The following PARG variants were observed in gnomAD, a reference collection of about 807,000 sequenced individuals.
PARG encodes mitochondrial poly(ADP-ribose) glycohydrolase.
A neutral mutation model predicts 113.0 loss-of-function variants in PARG; 35 were observed. The observed-to-expected ratio is 0.31, with a 90% CI of 0.24 to 0.41. The LOEUF (loss-of-function observed/expected upper bound fraction) is 0.41. Ranked by LOEUF, PARG falls within the 10% of genes least tolerant of loss-of-function variation. The pLI is 1.00. For missense variants in PARG, 797 were observed against 1,169.4 expected, an observed-to-expected ratio of 0.68 and a Z score of 4.64; for synonymous variants, 330 against 409.9, an observed-to-expected ratio of 0.81 and a Z score of 2.36.
At chr10:49,841,831 A>T in intron 15 of PARG, 119 bp downstream of exon 15, 1 of 656,416 alleles carries the variant, frequency 1.5e-6, no homozygotes, top group Non-Finnish European at 2.7e-6. Flanking sequence ...AAATCAGGAG[A>T]GCTGTGGGCA....
chr10:49,906,342 A>C (rs1160330947), intron 7 of PARG, among the ~76,000 whole-genome samples: 6 of 151,952 alleles, frequency 3.9e-5, no homozygotes, highest in South Asian at 2.1e-4. Flanking sequence ...CTTCTGCTAG[A>C]GGGTTTTCTT....
intron 9 of PARG, among the ~76,000 whole-genome samples, chr10:49,869,816 C>T (rs1158737531): frequency 6.6e-6 from 1 of 151,740 alleles, no homozygotes; most frequent in Non-Finnish European, 1.5e-5. Context: ...CTATCTTCCA[C>T]CACAGAGAAG....
intron 6 of PARG, among the ~76,000 whole-genome samples, chr10:49,917,066 C>T (rs1837512772): frequency 6.7e-6 from 1 of 148,482 alleles, no homozygotes; most frequent in South Asian, 2.1e-4. Context: ...CATCCAAGTT[C>T]CTTAAGAAAA....
At chr10:49,899,675 A>T (rs1848261874) in intron 7 of PARG, among the ~76,000 whole-genome samples, 1 of 152,010 alleles carries the variant, frequency 6.6e-6, no homozygotes, top group South Asian at 2.1e-4. Context: ...GAGGTACAAA[A>T]TCAGTGTGGT....
At chr10:49,835,148 A>G (rs1554830875) in intron 15 of PARG, among the ~76,000 whole-genome samples, 1 of 152,134 alleles carries the variant, frequency 6.6e-6, no homozygotes, top group Non-Finnish European at 1.5e-5. Context: ...AACAAAGATG[A>G]GATAAGGATA....
At chr10:49,828,832 G>A (rs782075565) in intron 16 of PARG, among the ~76,000 whole-genome samples, 7 of 152,064 alleles carry the variant, frequency 4.6e-5, no homozygotes, top group Admixed American at 2.0e-4. Context: ...CTATGATCGC[G>A]CCATTGCACC....
At chr10:49,891,619 A>ATTTT (rs1847802868) in intron 7 of PARG, among the ~76,000 whole-genome samples, 1 of 45,966 alleles carries the variant, frequency 2.2e-5, no homozygotes, top group African/African-American at 1.0e-4. Flanking sequence ...ATATATATAT[A>ATTTT]TATATTTTTT....
chr10:49,941,488 G>A (rs1327735889), intron 1 of PARG, 21 bp downstream of exon 1: 211 of 1,522,720 alleles, frequency 1.4e-4, no homozygotes, highest in Middle Eastern at 3.4e-4. Context: ...GAAGGACAAA[G>A]ATTTTTATTT....
intron 7 of PARG, among the ~76,000 whole-genome samples, chr10:49,909,079 T>C (rs1279655702): frequency 1.3e-5 from 2 of 152,052 alleles, no homozygotes; most frequent in Non-Finnish European, 2.9e-5. Context: ...ACAGTTAAAA[T>C]TACCATGAGA....
Position 49,933,916 on chromosome 10 carries a change from C to T in PARG, c.532G>A (p.Val178Ile). ...TTAGCATTACTAAACTGCTCTGGTA[C>T]CAGGGTTACTGTTTGAGGTTCACTT... ...LESEPQTVTL[V>I]PEQFSNANID... Residue 178 changes from valine (V) to isoleucine (I), a missense_variant, in exon 3 of 18, where the codon GTA (valine) becomes ATA (isoleucine). Transcript: ENST00000616448. 6.2e-7 allele frequency: 1 copy of T among 1,604,686 alleles called. No individual in the cohort carries two copies. Among genetic ancestry groups the T allele is most frequent in the Non-Finnish European group, 8.5e-7 (1 of 1,171,502 alleles).
intron 7 of PARG, among the ~76,000 whole-genome samples, chr10:49,892,588 A>T (rs1367494920): frequency 4.6e-5 from 7 of 152,206 alleles, no homozygotes; most frequent in African/African-American, 1.4e-4. Flanking sequence ...CATTTTTAAA[A>T]ATTTCAAAAA....
chr10:49,856,747 C>T (rs1388987762), intron 13 of PARG, among the ~76,000 whole-genome samples: 13 of 152,220 alleles, frequency 8.5e-5, no homozygotes, highest in African/African-American at 2.4e-4. Context: ...TGGTGGCTCA[C>T]GCCTGTAATC....
At chr10:49,900,475 TCA>T (rs1848301867) in intron 7 of PARG, among the ~76,000 whole-genome samples, 1 of 151,466 alleles carries the variant, frequency 6.6e-6, no homozygotes, top group South Asian at 2.1e-4. Context: ...TCAAAAACAG[TCA>T]CACTATTTTC....
In PARG at chr10:49,934,082, A is replaced by G; in HGVS notation, c.366T>C (p.Asn122=). Residue 122 remains asparagine (N), a synonymous_variant, in exon 3 of 18, where the codon AAT becomes AAC. Coordinates refer to ENST00000616448, the MANE Select transcript of PARG (RefSeq NM_003631.5). The stretch of plus-strand genomic sequence containing the variant: ...GAGAAACATTTTCTAATTTTTCTAC[A>G]TTATGTTGGTAAAAGTTATCTTTTT... ...SVQKDNFYQH[N]VEKLENVSQL... 1 of 1,493,608 alleles carries G rather than the reference A, an allele frequency of 6.7e-7. No individual in the cohort carries two copies. The allele number at this position is 1,493,608 out of a possible 1,614,324, so 92.5% of individuals were successfully genotyped here. A position where few individuals can be genotyped will look rare whatever the true frequency, so the allele number is the denominator to read the frequency against.
At chr10:49,843,706 G>T in intron 13 of PARG, 74 bp from the exon 14 acceptor site, 1 of 1,001,910 alleles carries the variant, frequency 1.0e-6, no homozygotes, top group Non-Finnish European at 1.5e-6. Context: ...AACATGGCAA[G>T]AATAACTTCT....
chr10:49,941,810 C>G lies in PARG; in HGVS notation c.-85G>C. On this transcript the variant is annotated 5_prime_UTR_variant, in exon 1 of 18. Coordinates refer to ENST00000616448, the MANE Select transcript of PARG (RefSeq NM_003631.5). The stretch of plus-strand genomic sequence containing the variant: ...CCCTGAGAGAGATGGACTGCGCCTC[C>G]TTCTCAGCGCCTGCCTGCACCATTC... 4 of 1,534,666 alleles carry G rather than the reference C, an allele frequency of 2.6e-6. No homozygotes were observed. The highest frequency in any genetic ancestry group is 3.5e-6 in the Non-Finnish European group (4 of 1,145,172).
intron 4 of PARG, among the ~76,000 whole-genome samples, chr10:49,925,024 C>A (rs1164427520): frequency 8.5e-5 from 13 of 152,172 alleles, no homozygotes; most frequent in Non-Finnish European, 1.9e-4. Context: ...GACGAAGAAC[C>A]CTATTATGAA....
intron 13 of PARG, among the ~76,000 whole-genome samples, chr10:49,856,780 C>T (rs1272527235): frequency 2.6e-5 from 4 of 151,930 alleles, no homozygotes; most frequent in South Asian, 4.2e-4. Flanking sequence ...GAGGCCGAGG[C>T]GGGCGGATCA....
intron 15 of PARG, among the ~76,000 whole-genome samples, chr10:49,836,208 A>C (rs1165934019): frequency 6.6e-6 from 1 of 150,536 alleles, no homozygotes; most frequent in East Asian, 2.0e-4. Flanking sequence ...AAAGTTACTC[A>C]TTTATATGAA....
Sources: gnomAD v4.1 joint callset for allele counts (sites outside exome capture counted in the v4.1 genomes callset) on GRCh38, gnomAD v4.1.1 for gene constraint, MANE v1.5 for transcripts, NCBI Gene and HGNC (gene_info 2026-07-23, HGNC 2026-07-21) for gene names.